ADARB2: variants seen among roughly 807,000 people sequenced by gnomAD.
The protein encoded by ADARB2 is adenosine deaminase RNA specific B2 (inactive), also known as inactive double-stranded RNA-specific editase B2.
In ADARB2, 25 loss-of-function variants were observed where a neutral mutation model predicts 62.2. The ratio of observed to expected loss-of-function variants is 0.40; its 90% confidence interval spans 0.29 to 0.56. The LOEUF is 0.56. Ranked by LOEUF, ADARB2 falls within the 20% of genes least tolerant of loss-of-function variation. The probability of loss-of-function intolerance (pLI) is 0.43; values close to 1 mark genes in which losing one functional copy is unlikely to be tolerated. For missense variants in ADARB2, 1,071 were observed against 1,077.4 expected (o/e 0.99, Z 0.08); for synonymous variants, 572 against 500.8 (o/e 1.14, Z -1.90).
intron 8 of ADARB2, among the ~76,000 whole-genome samples, chr10:1,198,882 C>T (rs537130817): frequency 2.2e-4 from 33 of 152,236 alleles, no homozygotes; most frequent in Non-Finnish European, 4.0e-4. Flanking sequence ...AAACCTGCTC[C>T]GTTGACGGTG....
At chr10:1,388,213 A>T (rs558897738) in intron 1 of ADARB2, among the ~76,000 whole-genome samples, 1 of 152,252 alleles carries the variant, frequency 6.6e-6, no homozygotes, top group African/African-American at 2.4e-5. Flanking sequence ...CACCACACAA[A>T]GGACTAGAAG....
chr10:1,594,897 G>A (rs1208669134), intron 1 of ADARB2, among the ~76,000 whole-genome samples: 1 of 152,192 alleles, frequency 6.6e-6, no homozygotes, highest in Admixed American at 6.5e-5. Context: ...TACCTGTGGT[G>A]GGGTGCCATC....
At chr10:1,552,182 T>G (rs995562259) in intron 1 of ADARB2, among the ~76,000 whole-genome samples, 1 of 152,260 alleles carries the variant, frequency 6.6e-6, no homozygotes, top group Non-Finnish European at 1.5e-5. Context: ...GCCCCCAGGA[T>G]GCCCATGGGG....
intron 1 of ADARB2, among the ~76,000 whole-genome samples, chr10:1,496,311 ACAT>A (rs999863045): frequency 6.5e-5 from 7 of 108,366 alleles, no homozygotes; most frequent in South Asian, 2.9e-4. Context: ...ATCAGTATCA[ACAT>A]CATCATTAGT....
At chr10:1,204,955 C>T (rs985575147) in intron 7 of ADARB2, among the ~76,000 whole-genome samples, 3 of 152,260 alleles carry the variant, frequency 2.0e-5, no homozygotes, top group Non-Finnish European at 4.4e-5. Flanking sequence ...GTGACTGTGA[C>T]ATCCACAGGG....
In ADARB2 at chr10:1,363,277, C is replaced by A; in HGVS notation, c.828G>T (p.Glu276Asp). 8.0e-7 allele frequency: 1 copy of A among 1,253,868 alleles called. No individual in the cohort carries two copies. The highest frequency in any genetic ancestry group is 1.0e-6 in the Non-Finnish European group (1 of 998,256). 77.7% of individuals were successfully genotyped at this position (1,253,868 alleles called of 1,614,324 possible). Residue 276 changes from glutamate (E) to aspartate (D), a missense_variant, in exon 3 of 10, where the codon GAG becomes GAT. Physicochemically the swap from Glu to Asp is conservative, Grantham distance 45 (BLOSUM62 2). Coordinates refer to ENST00000381312, the MANE Select transcript of ADARB2 (RefSeq NM_018702.4). The stretch of plus-strand genomic sequence containing the variant: ...GGTTCAGCAGCACCACGGGGTTGCG[C>A]TCGCCCGGGGCCGCGGGGGTGGCGG... ...PTPATPAAPG[E>D]RNPVVLLNRL...
At chr10:1,250,799 A>T (rs1264557371) in intron 4 of ADARB2, among the ~76,000 whole-genome samples, 1 of 152,238 alleles carries the variant, frequency 6.6e-6, no homozygotes, top group Non-Finnish European at 1.5e-5. Context: ...GAAAATTCTG[A>T]AAAAGAAGGC....
chr10:1,725,431 G>A (rs1266151188), intron 1 of ADARB2, among the ~76,000 whole-genome samples: 3 of 152,126 alleles, frequency 2.0e-5, no homozygotes, highest in African/African-American at 7.2e-5. Context: ...ACATGTCACC[G>A]CTTCAGAGTC....
intron 1 of ADARB2, among the ~76,000 whole-genome samples, chr10:1,699,246 T>A (rs10794788): frequency 0.91 from 64,431 of 70,872 alleles, 29,700 homozygotes; most frequent in South Asian, 0.95. Flanking sequence ...GCCAATACAC[T>A]CAATCCCACT....
At chr10:1,660,968 C>G (rs74208645) in intron 1 of ADARB2, among the ~76,000 whole-genome samples, 12 of 152,156 alleles carry the variant, frequency 7.9e-5, no homozygotes, top group South Asian at 2.1e-4. Context: ...ATAAACCCCC[C>G]CTCTGACCAG....
intron 1 of ADARB2, among the ~76,000 whole-genome samples, chr10:1,395,239 G>A (rs1352422599): frequency 2.6e-5 from 4 of 152,072 alleles, no homozygotes; most frequent in Admixed American, 1.3e-4. Context: ...TCAGAGCTCC[G>A]GCCCGACAGC....
Position 1,181,968 on chromosome 10 carries a change from C to G in ADARB2, c.*1225G>C, listed in dbSNP as rs560586028. 4.6e-5 allele frequency: 7 copies of G among 152,176 alleles called. No individual in the cohort carries two copies. Among genetic ancestry groups the G allele is most frequent in the Admixed American group, 1.3e-4 (2 of 15,278 alleles). 9.4% of individuals were successfully genotyped at this position (152,176 alleles called of 1,614,324 possible). A position where few individuals can be genotyped will look rare whatever the true frequency, so the allele number is the denominator to read the frequency against. On this transcript the variant is annotated 3_prime_UTR_variant, in exon 10 of 10. Transcript: ENST00000381312. ...ATGCTGTGGGCTAAAGCCCCCATGT[C>G]CCATCTCCACTGTGAGCTGAAGGTC...
intron 3 of ADARB2, among the ~76,000 whole-genome samples, chr10:1,313,273 C>A (rs1302155405): frequency 6.6e-6 from 1 of 152,164 alleles, no homozygotes; most frequent in Non-Finnish European, 1.5e-5. Flanking sequence ...GAGCTGTGGC[C>A]TGAACTTCTG....
intron 1 of ADARB2, among the ~76,000 whole-genome samples, chr10:1,681,623 G>T (rs1431151109): frequency 1.3e-5 from 2 of 152,168 alleles, no homozygotes; most frequent in African/African-American, 4.8e-5. Context: ...GGTGATCGCA[G>T]GGCATGGTCC....
chr10:1,652,065 T>C (rs960424850), intron 1 of ADARB2, among the ~76,000 whole-genome samples: 2 of 152,232 alleles, frequency 1.3e-5, no homozygotes, highest in Non-Finnish European at 1.5e-5. Flanking sequence ...GTGATTATGG[T>C]CACTGTATTC....
At chr10:1,399,903 C>G (rs987551571) in intron 1 of ADARB2, among the ~76,000 whole-genome samples, 33 of 152,200 alleles carry the variant, frequency 2.2e-4, no homozygotes, top group African/African-American at 7.0e-4. Context: ...GAGGCTGCCC[C>G]AAGGAAGCCT....
chr10:1,600,555 C>T lies in ADARB2; in HGVS notation c.100+136496G>A, dbSNP rs116513873. On this transcript the variant is annotated intron_variant, in intron 1 of 9. Transcript: ENST00000381312. ...TGCGCCCCTGTAATCCCAGCTACTCCGAAGTCCGAGTCATGAGGATCACTT... is the reference window on the plus strand; with the variant it reads ...TGCGCCCCTGTAATCCCAGCTACTCTGAAGTCCGAGTCATGAGGATCACTT... Among the ~76,000 whole-genome samples the T allele has an allele frequency of 8.9e-3, 1,323 of 149,104 alleles. 22 individuals are homozygous for T. Among genetic ancestry groups the T allele is most frequent in the African/African-American group, 0.026 (1,039 of 40,404 alleles).
At chr10:1,417,912 G>T (rs548511047) in intron 1 of ADARB2, among the ~76,000 whole-genome samples, 1 of 152,352 alleles carries the variant, frequency 6.6e-6, no homozygotes, top group South Asian at 2.1e-4. Flanking sequence ...AGACGCCAGG[G>T]TGCATGGGGA....
intron 8 of ADARB2, among the ~76,000 whole-genome samples, chr10:1,198,664 C>T (rs1266199351): frequency 1.3e-5 from 2 of 152,244 alleles, no homozygotes; most frequent in Admixed American, 6.5e-5. Flanking sequence ...AGGTGTCTCT[C>T]GGGCTTGGCT....
Sources: gnomAD v4.1 joint callset for allele counts (sites outside exome capture counted in the v4.1 genomes callset) on GRCh38, gnomAD v4.1.1 for gene constraint, MANE v1.5 for transcripts, NCBI Gene and HGNC (gene_info 2026-07-23, HGNC 2026-07-21) for gene names.